CNTNAP5: variants seen among roughly 807,000 people sequenced by gnomAD.
CNTNAP5 encodes the protein contactin associated protein family member 5.
In CNTNAP5, 72 loss-of-function variants were observed where a neutral mutation model predicts 150.2. That is an observed-to-expected ratio of 0.48 (90% CI 0.40 to 0.58). The LOEUF (loss-of-function observed/expected upper bound fraction) is 0.58. CNTNAP5 is among the 20% of genes least tolerant of loss of function. The probability of loss-of-function intolerance (pLI) is 0.00; values close to 1 mark genes in which losing one functional copy is unlikely to be tolerated. For synonymous variants in CNTNAP5, 672 were observed against 619.8 expected, an observed-to-expected ratio of 1.08 and a Z score of -1.25; for missense variants, 1,636 against 1,626.2, an observed-to-expected ratio of 1.01 and a Z score of -0.10.
At chr2:124,418,180 A>G (rs1409025875) in intron 4 of CNTNAP5, among the ~76,000 whole-genome samples, 1 of 152,220 alleles carries the variant, frequency 6.6e-6, no homozygotes, top group Non-Finnish European at 1.5e-5. Context: ...GAAGATTCCC[A>G]TCCCTATAAT....
chr2:124,911,901 T>C (rs1678664181), intron 23 of CNTNAP5, among the ~76,000 whole-genome samples: 1 of 152,084 alleles, frequency 6.6e-6, no homozygotes, highest in South Asian at 2.1e-4. Flanking sequence ...GAAGAAGCCA[T>C]GTTGGGGCAG....
chr2:124,600,095 A>C (rs544892903), intron 11 of CNTNAP5, among the ~76,000 whole-genome samples: 2 of 152,368 alleles, frequency 1.3e-5, no homozygotes, highest in South Asian at 2.1e-4. Context: ...TTTAGTAAAC[A>C]AAAGTGTATG....
chr2:124,218,762 A>G (rs1314704152), intron 1 of CNTNAP5, among the ~76,000 whole-genome samples: 4 of 152,194 alleles, frequency 2.6e-5, no homozygotes, highest in African/African-American at 9.6e-5. Flanking sequence ...GGGATTGCAC[A>G]GGTCTGGAAG....
At chr2:124,329,989 TG>T (rs1689309604) in intron 3 of CNTNAP5, among the ~76,000 whole-genome samples, 1 of 152,178 alleles carries the variant, frequency 6.6e-6, no homozygotes. Flanking sequence ...TTTTCTGAAT[TG>T]TAGTTTATAT....
chr2:124,346,052 CAT>C (rs60112313), intron 3 of CNTNAP5, among the ~76,000 whole-genome samples: 10,391 of 152,126 alleles, frequency 0.068, 460 homozygotes, highest in East Asian at 0.22. Context: ...ATTTTGCTAT[CAT>C]AATAAAGTGT....
At chr2:124,133,632 T>C (rs966776859) in intron 1 of CNTNAP5, among the ~76,000 whole-genome samples, 27 of 152,164 alleles carry the variant, frequency 1.8e-4, no homozygotes, top group Admixed American at 1.2e-3. Flanking sequence ...TTGTGTCTCT[T>C]CTGTATCCAG....
chr2:124,329,719 C>G (rs779671871), intron 3 of CNTNAP5, among the ~76,000 whole-genome samples: 36 of 152,232 alleles, frequency 2.4e-4, no homozygotes, highest in Non-Finnish European at 4.6e-4. Context: ...TCCAATTAAA[C>G]AGTTGGTTTG....
intron 1 of CNTNAP5, among the ~76,000 whole-genome samples, chr2:124,169,291 T>C (rs969495480): frequency 8.5e-5 from 13 of 152,068 alleles, no homozygotes; most frequent in Admixed American, 7.2e-4. Context: ...ATGTTGGACA[T>C]GAAGGCTTTG....
chr2:124,467,310 A>C (rs1218700367), intron 6 of CNTNAP5, among the ~76,000 whole-genome samples: 2 of 152,142 alleles, frequency 1.3e-5, no homozygotes, highest in African/African-American at 4.8e-5. Context: ...TAATGGACAG[A>C]GTTCAAGAGG....
intron 1 of CNTNAP5, among the ~76,000 whole-genome samples, chr2:124,031,502 G>C (rs997206029): frequency 6.6e-6 from 1 of 152,154 alleles, no homozygotes; most frequent in Admixed American, 6.5e-5. Flanking sequence ...GGAAAGAACA[G>C]AAGTTCAGAT....
chr2:124,206,629 C>G (rs1685870521), intron 1 of CNTNAP5, among the ~76,000 whole-genome samples: 1 of 152,150 alleles, frequency 6.6e-6, no homozygotes, highest in Middle Eastern at 3.2e-3. Context: ...CACCAGTGCT[C>G]CAGGCTCTTG....
intron 3 of CNTNAP5, among the ~76,000 whole-genome samples, chr2:124,347,369 C>T (rs968412311): frequency 2.0e-5 from 3 of 152,032 alleles, no homozygotes; most frequent in Non-Finnish European, 2.9e-5. Context: ...ACTGAGGGGG[C>T]GGGGGCACAA....
At chr2:124,120,822 G>A (rs534692958) in intron 1 of CNTNAP5, among the ~76,000 whole-genome samples, 120 of 152,246 alleles carry the variant, frequency 7.9e-4, no homozygotes, top group African/African-American at 1.1e-3. Context: ...CATTTTTCTC[G>A]TTATATGACC....
chr2:124,098,019 C>A lies in CNTNAP5; in HGVS notation c.82+72287C>A, dbSNP rs549940120. Among the ~76,000 whole-genome samples the A allele has an allele frequency of 7.5e-5, 11 of 146,300 alleles. No homozygotes were observed. In the East Asian group the frequency reaches 1.2e-3, roughly 16 times the overall value. On this transcript the variant is annotated intron_variant, in intron 1 of 23. Transcript: ENST00000682447. ...CTCCAGCCTGGGCGACAGAGCGAGA[C>A]TCCGTCTCAAAAAAAATAAATAAAT...
At chr2:124,448,542 A>C (rs918882729) in intron 6 of CNTNAP5, among the ~76,000 whole-genome samples, 3 of 151,726 alleles carry the variant, frequency 2.0e-5, no homozygotes, top group Non-Finnish European at 4.4e-5. Flanking sequence ...GGAAATACTT[A>C]TACCACAGAG....
chr2:124,206,483 CCA>C (rs1685865307), intron 1 of CNTNAP5, among the ~76,000 whole-genome samples: 1 of 152,320 alleles, frequency 6.6e-6, no homozygotes, highest in South Asian at 2.1e-4. Flanking sequence ...TTTCCCTCAA[CCA>C]CAGTGTTGGG....
intron 22 of CNTNAP5, among the ~76,000 whole-genome samples, chr2:124,907,881 G>A (rs1443230953): frequency 6.7e-6 from 1 of 150,314 alleles, no homozygotes; most frequent in Non-Finnish European, 1.5e-5. Context: ...TTTATTTGTA[G>A]CTTTAATAAA....
At chr2:124,058,318 C>T (rs554170467) in intron 1 of CNTNAP5, among the ~76,000 whole-genome samples, 1 of 152,284 alleles carries the variant, frequency 6.6e-6, no homozygotes, top group African/African-American at 2.4e-5. Flanking sequence ...TGAAAACCAT[C>T]CTGTCATATG....
chr2:124,874,291 C>A (rs1010220923), intron 21 of CNTNAP5, among the ~76,000 whole-genome samples: 1 of 152,096 alleles, frequency 6.6e-6, no homozygotes, highest in Non-Finnish European at 1.5e-5. Flanking sequence ...AGAGAGAGCA[C>A]ATATTTAGGG....
Sources: allele counts gnomAD v4.1 joint callset (sites outside exome capture counted in the v4.1 genomes callset), GRCh38; gene constraint gnomAD v4.1.1; transcripts MANE v1.5; gene names NCBI Gene and HGNC (gene_info 2026-07-23, HGNC 2026-07-21).